Variants in CD1E observed in about 807,000 individuals in gnomAD.
The protein encoded by CD1E is T-cell surface glycoprotein CD1e, membrane-associated.
In CD1E, 49 loss-of-function variants were observed where a neutral mutation model predicts 40.1. The ratio of observed to expected loss-of-function variants is 1.22; its 90% confidence interval spans 0.97 to 1.55. The LOEUF is 1.55. Among genes scored for constraint, CD1E ranks in the 40% most tolerant of loss-of-function variants. The probability of loss-of-function intolerance (pLI) is 0.00; values close to 1 mark genes in which losing one functional copy is unlikely to be tolerated. For missense variants in CD1E, 492 were observed against 471.3 expected (o/e 1.04, Z -0.41); for synonymous variants, 189 against 178.3 (o/e 1.06, Z -0.48).
rs1198580609 is a variant in CD1E, at chr1:158,354,395, C to A, written c.77C>A (p.Ser26Tyr). ...ENTAAPQALQ[S>Y]YHLAAEEQLS... ...CTCTCAGCTCCCCAGGCTCTACAAT[C>A]CTATCATCTAGCAGCAGAGGAGCAG... The change falls in exon 2 of 6, where the codon TCC (serine) becomes TAC (tyrosine). Residue 26 changes from serine (S) to tyrosine (Y), a missense_variant. Transcript: ENST00000368167. The A allele has an allele frequency of 1.9e-6, 3 of 1,609,964 alleles. No homozygotes were observed. In the African/African-American group the frequency reaches 4.0e-5, roughly 22 times the overall value.
Position 158,356,062 on chromosome 1 carries a change from G to C in CD1E, c.861G>C (p.Val287=), listed in dbSNP as rs1282689861. 1.2e-6 allele frequency: 2 copies of C among 1,613,816 alleles called. No homozygotes were observed. The highest frequency in any genetic ancestry group is 2.7e-5 in the African/African-American group (2 of 74,938). ...AGGCAGCTGGCCTGTCCTGTCGGGT[G>C]AAACACAGCAGTCTAGGGGGCCATG... The part of the protein sequence containing the change: ...AGEAAGLSCR[V]KHSSLGGHDL... The change falls in exon 4 of 6, where the codon GTG becomes GTC. Residue 287 remains valine (V), a synonymous_variant. Coordinates refer to ENST00000368167, the MANE Select transcript of CD1E (RefSeq NM_030893.4).
In CD1E at chr1:158,355,444, A is replaced by C. The variant is rs934895722; in HGVS notation, c.500A>C (p.Asn167Thr). The change falls in exon 3 of 6, where the codon AAC (asparagine) becomes ACC (threonine). Residue 167 changes from asparagine to threonine, a missense_variant. Transcript: ENST00000368167. ...PSPGAGIRAQNICKVLNRYLD... is the reference protein window; with the variant it reads ...PSPGAGIRAQTICKVLNRYLD... ...CCAGGAGCAGGGATCCGGGCCCAGAACATCTGTAAAGTGCTCAATCGCTAC... is the reference window on the plus strand; with the variant it reads ...CCAGGAGCAGGGATCCGGGCCCAGACCATCTGTAAAGTGCTCAATCGCTAC... 4 of 1,614,040 alleles carry C rather than the reference A, an allele frequency of 2.5e-6. No individual in the cohort carries two copies. The highest frequency in any genetic ancestry group is 1.3e-5 in the African/African-American group (1 of 74,916).
chr1:158,356,549 T>A lies in CD1E; in HGVS notation c.956T>A (p.Leu319Gln). ...ATCTGTTTGACTGTGATAGTTACCC[T>A]GGTCATATTGGTTGTAGTTGACTCA... ...ILICLTVIVT[L>Q]VILVVVDSRL... The change falls in exon 5 of 6, where the codon CTG (leucine) becomes CAG (glutamine). Residue 319 changes from leucine to glutamine, a missense_variant. Coordinates refer to ENST00000368167, the MANE Select transcript of CD1E (RefSeq NM_030893.4). 6.2e-7 allele frequency: 1 copy of A among 1,614,000 alleles called. No homozygotes were observed. Among genetic ancestry groups the A allele is most frequent in the Non-Finnish European group, 8.5e-7 (1 of 1,179,912 alleles).
chr1:158,354,797 C>T lies in CD1E; in HGVS notation c.355+124C>T, dbSNP rs139260594. 156 of 794,264 alleles carry T rather than the reference C, an allele frequency of 2.0e-4. 1 individual carries two copies. The African/African-American group carries it at 2.4e-3, about 12-fold the overall frequency. 49.2% of individuals were successfully genotyped at this position (794,264 alleles called of 1,614,324 possible). On this transcript the variant is annotated intron_variant, in intron 2 of 5. Transcript: ENST00000368167. ...TAACCTTGTTCCCCACTCTCTGACT[C>T]CCACTCCCTCCTCTGCTTCACCCTT... is the stretch of plus-strand genomic sequence containing the variant.
Position 158,356,022 on chromosome 1 carries a change from A to G in CD1E, c.821A>G (p.Asp274Gly). 1 of 1,614,090 alleles carries G rather than the reference A, an allele frequency of 6.2e-7. No homozygotes were observed. The highest frequency in any genetic ancestry group is 8.5e-7 in the Non-Finnish European group (1 of 1,180,012). ...ACATGGTATCTCCGAGCAACCCTGG[A>G]TGTGGCGGCTGGGGAGGCAGCTGGC... ...DETWYLRATLDVAAGEAAGLS... is the reference protein window; with the variant it reads ...DETWYLRATLGVAAGEAAGLS... The change falls in exon 4 of 6, where the codon GAT becomes GGT. Residue 274 changes from aspartate (D) to glycine (G), a missense_variant. Transcript: ENST00000368167.
At chr1:158,355,800 A>G (rs1653568291) in intron 3 of CD1E, 27 bp from the exon 4 acceptor site, 1 of 1,589,076 alleles carries the variant, frequency 6.3e-7, no homozygotes, top group African/African-American at 1.4e-5. Context: ...TCAAAATTCC[A>G]TTTTTTTTCT....
rs771249072 is a variant in CD1E at position 158,356,554 on chromosome 1, A to AT, written c.962dup (p.Leu322IlefsTer5). ...TTTGACTGTGATAGTTACCCTGGTC[A>AT]TATTGGTTGTAGTTGACTCACGGTT... On this transcript the variant is annotated frameshift_variant, in exon 5 of 6. Transcript: ENST00000368167. LOFTEE classifies it low-confidence loss of function (END_TRUNC). 6.2e-7 allele frequency: 1 copy of AT among 1,613,806 alleles called. No individual in the cohort carries two copies. The highest frequency in any genetic ancestry group is 1.3e-5 in the African/African-American group (1 of 74,980).
Position 158,356,867 on chromosome 1 carries a change from T to C in CD1E, c.1138T>C (p.Trp380Arg). Residue 380 changes from tryptophan (W) to arginine (R), a missense_variant, in exon 6 of 6, where the codon TGG becomes CGG. Coordinates refer to ENST00000368167, the MANE Select transcript of CD1E (RefSeq NM_030893.4). Reference protein sequence around the residue: ...SWIKNRVLKKWKTRLNQLW With the variant: ...SWIKNRVLKKRKTRLNQLW ...GATCAAAAACAGAGTATTGAAGAAG[T>C]GGAAGACACGCCTAAACCAACTCTG... 1 of 1,614,054 alleles carries C rather than the reference T, an allele frequency of 6.2e-7. No individual in the cohort carries two copies. The highest frequency in any genetic ancestry group is 8.5e-7 in the Non-Finnish European group (1 of 1,179,990).
At chr1:158,356,228 TAAA>T in intron 4 of CD1E, 123 bp downstream of exon 4, 1 of 1,141,494 alleles carries the variant, frequency 8.8e-7, no homozygotes, top group Non-Finnish European at 1.2e-6. Flanking sequence ...ACAATCAAAA[TAAA>T]GAAGGATAGA....
At chr1:158,355,736 C>G (rs1451862776) in intron 3 of CD1E, 91 bp from the exon 4 acceptor site, 13 of 1,442,916 alleles carry the variant, frequency 9.0e-6, no homozygotes, top group Admixed American at 2.6e-5. Flanking sequence ...CTAAATCACT[C>G]TTAGTATTAT....
chr1:158,355,785 G>A, intron 3 of CD1E, 42 bp from the exon 4 acceptor site: 1 of 1,571,684 alleles, frequency 6.4e-7, no homozygotes, highest in Non-Finnish European at 8.6e-7. Context: ...GGCCTGGGGT[G>A]CCCTTCAAAA....
chr1:158,354,583 G>T lies in CD1E; in HGVS notation c.265G>T (p.Glu89Ter). 1 of 1,614,088 alleles carries T rather than the reference G, an allele frequency of 6.2e-7. No homozygotes were observed. The highest frequency in any genetic ancestry group is 8.5e-7 in the Non-Finnish European group (1 of 1,179,966). Residue 89 changes from glutamate (E) to a stop codon, truncating the protein, a stop_gained, in exon 2 of 6, where the codon GAG (glutamate) becomes TAG (stop). Coordinates refer to ENST00000368167, the MANE Select transcript of CD1E (RefSeq NM_030893.4). LOFTEE classifies it high-confidence loss of function. Reference sequence around the variant, plus strand: ...GTCCCATGGAAACTTCAGCAAGCAGGAGCTGAAAAACTTACAGTCACTGTT... The same window carrying T: ...GTCCCATGGAAACTTCAGCAAGCAGTAGCTGAAAAACTTACAGTCACTGTT... Reference protein sequence around the residue: ...PWSHGNFSKQELKNLQSLFQL... With the variant: ...PWSHGNFSKQ
At chr1:158,355,712 G>T (rs1653549443) in intron 3 of CD1E, 115 bp from the exon 4 acceptor site, 1 of 1,418,062 alleles carries the variant, frequency 7.1e-7, no homozygotes, top group Non-Finnish European at 9.4e-7. Context: ...TTAGACAAGA[G>T]AAAGAAGTGA....
At position 158,354,526 on chromosome 1, in the gene CD1E, G is replaced by A; in HGVS notation, c.208G>A (p.Val70Ile). The A allele has an allele frequency of 1.9e-6, 3 of 1,614,122 alleles. No homozygotes were observed. Among genetic ancestry groups the A allele is most frequent in the Non-Finnish European group, 1.7e-6 (2 of 1,180,038 alleles). ...GDLQTHGWDT[V>I]LGTIRFLKPW... ...CCTGCAGACTCATGGCTGGGACACTGTCTTGGGCACCATCCGCTTTCTGAA... is the reference window on the plus strand; with the variant it reads ...CCTGCAGACTCATGGCTGGGACACTATCTTGGGCACCATCCGCTTTCTGAA... The change falls in exon 2 of 6, where the codon GTC becomes ATC. Residue 70 changes from valine to isoleucine, a missense_variant. Coordinates refer to ENST00000368167, the MANE Select transcript of CD1E (RefSeq NM_030893.4).
chr1:158,355,563 C>A lies in CD1E; in HGVS notation c.619C>A (p.Arg207=). The change falls in exon 3 of 6, where the codon CGG becomes AGG. Residue 207 remains arginine (R), a synonymous_variant. Coordinates refer to ENST00000368167, the MANE Select transcript of CD1E (RefSeq NM_030893.4). ...GGAAGCAGGGGAGTCAGAACTGAAACGGAAAGGTGAGCCCAACTCTCTCTC... is the reference window on the plus strand; with the variant it reads ...GGAAGCAGGGGAGTCAGAACTGAAAAGGAAAGGTGAGCCCAACTCTCTCTC... ...LMEAGESELK[R]KVKPEAWLSC... is the part of the protein sequence containing the mutation. 1 of 1,613,638 alleles carries A rather than the reference C, an allele frequency of 6.2e-7. No individual in the cohort carries two copies. Among genetic ancestry groups the A allele is most frequent in the Non-Finnish European group, 8.5e-7 (1 of 1,179,732 alleles).
rs541952981 is a variant in CD1E, at chr1:158,355,919, G to A, written c.718G>A (p.Val240Met). The stretch of plus-strand genomic sequence containing the variant: ...TGTCTCAGGATTCTACCCAAAGCCC[G>A]TGTGGGTGATGTGGATGCGGGGTGA... Reference protein sequence around the residue: ...CHVSGFYPKPVWVMWMRGEQE... With the variant: ...CHVSGFYPKPMWVMWMRGEQE... Residue 240 changes from valine to methionine, a missense_variant, in exon 4 of 6, where the codon GTG becomes ATG. Transcript: ENST00000368167. The A allele has an allele frequency of 2.3e-5, 37 of 1,614,122 alleles. No homozygotes were observed. The highest frequency in any genetic ancestry group is 1.7e-4 in the Middle Eastern group (1 of 6,048).
intron 5 of CD1E, 66 bp downstream of exon 5, chr1:158,356,657 C>T (rs1571224667): frequency 3.8e-6 from 5 of 1,317,102 alleles, no homozygotes; most frequent in Non-Finnish European, 2.1e-6. Context: ...CCTCTATCTT[C>T]TTTTTTTTTT....
chr1:158,354,709 G>T, intron 2 of CD1E, 36 bp downstream of exon 2: 1 of 1,565,310 alleles, frequency 6.4e-7, no homozygotes, highest in South Asian at 1.2e-5. Context: ...ATTTGCCTGG[G>T]AACACCAACT....
Position 158,354,650 on chromosome 1 carries a change from C to T in CD1E, c.332C>T (p.Ser111Phe), listed in dbSNP as rs752724915. The T allele has an allele frequency of 1.9e-6, 3 of 1,613,062 alleles. No individual in the cohort carries two copies. The African/African-American group carries it at 4.0e-5, about 22-fold the overall frequency. ...FHSFIQIVQA[S>F]AGQFQLEYPF... ...AGTTTTATCCAGATAGTGCAAGCTT[C>T]TGCTGGTCAATTTCAGCTTGAATGT... Residue 111 changes from serine to phenylalanine, a missense_variant, in exon 2 of 6, where the codon TCT (serine) becomes TTT (phenylalanine). By Grantham distance (155) the Ser-to-Phe change is radical (BLOSUM62 -2). Coordinates refer to ENST00000368167, the MANE Select transcript of CD1E (RefSeq NM_030893.4).
Sources: allele counts gnomAD v4.1 joint callset, GRCh38; gene constraint gnomAD v4.1.1; transcripts MANE v1.5; gene names NCBI Gene and HGNC (gene_info 2026-07-23, HGNC 2026-07-21).